ZNF407: variants seen among roughly 807,000 people sequenced by gnomAD.
ZNF407 encodes zinc finger protein 407.
Under a neutral mutation model 131.2 loss-of-function variants are expected in ZNF407, and 17 were observed. That is an observed-to-expected ratio of 0.13 (90% CI 0.09 to 0.19). The LOEUF is 0.19. Among genes scored for constraint, ZNF407 ranks in the 10% least tolerant of loss-of-function variants. ZNF407 has a pLI of 1.00. For synonymous variants in ZNF407, 1,156 were observed against 1,062.0 expected, an observed-to-expected ratio of 1.09 and a Z score of -1.72; for missense variants, 2,681 against 2,830.6, an observed-to-expected ratio of 0.95 and a Z score of 1.20.
chr18:74,869,038 G>A (rs1971051655), intron 4 of ZNF407, among the ~76,000 whole-genome samples: 1 of 152,178 alleles, frequency 6.6e-6, no homozygotes, highest in Non-Finnish European at 1.5e-5. Flanking sequence ...TTTGAAGATG[G>A]TTAGGATTGT....
At chr18:74,927,427 T>G (rs1971928563) in intron 8 of ZNF407, among the ~76,000 whole-genome samples, 2 of 152,228 alleles carry the variant, frequency 1.3e-5, no homozygotes, top group South Asian at 4.1e-4. Context: ...TATAGTATAA[T>G]AATGTAAAAA....
chr18:74,778,179 C>G (rs989835478), intron 3 of ZNF407, among the ~76,000 whole-genome samples: 9 of 152,158 alleles, frequency 5.9e-5, no homozygotes, highest in African/African-American at 1.9e-4. Flanking sequence ...CCTCTTTTTT[C>G]TATCCTCCCT....
At chr18:74,602,696 T>A (rs1307398042) in intron 1 of ZNF407, among the ~76,000 whole-genome samples, 2 of 152,334 alleles carry the variant, frequency 1.3e-5, no homozygotes, top group Admixed American at 6.5e-5. Flanking sequence ...GAGCCAGGAT[T>A]TGAACCAAGA....
chr18:74,640,569 A>G (rs1984667611), intron 2 of ZNF407, among the ~76,000 whole-genome samples: 1 of 152,204 alleles, frequency 6.6e-6, no homozygotes, highest in African/African-American at 2.4e-5. Context: ...TGAGGAAACA[A>G]GGAGGTGGCC....
At chr18:74,725,445 C>T (rs916240548) in intron 3 of ZNF407, among the ~76,000 whole-genome samples, 34 of 152,146 alleles carry the variant, frequency 2.2e-4, no homozygotes, top group Admixed American at 1.1e-3. Flanking sequence ...TTATGGGAGA[C>T]GAGACAGAAT....
At position 74,634,794 on chromosome 18, in the gene ZNF407, T is replaced by A; in HGVS notation, c.3775T>A (p.Ser1259Thr). Residue 1259 changes from serine (S) to threonine (T), a missense_variant, in exon 2 of 9, where the codon TCG (serine) becomes ACG (threonine). Physicochemically the swap from Ser to Thr is moderately conservative, Grantham distance 58. This residue lies in a region of ZNF407 where 1,789 missense variants were observed against 1,748.7 expected (regional missense o/e 1.02). Coordinates refer to ENST00000299687, the MANE Select transcript of ZNF407 (RefSeq NM_017757.3). ...LCPVTLDGERSAESPVLVVTR... is the reference protein window; with the variant it reads ...LCPVTLDGERTAESPVLVVTR... ...CCCTGTGACGCTCGATGGGGAGCGCTCGGCTGAAAGCCCTGTGCTCGTTGT... is the reference window on the plus strand; with the variant it reads ...CCCTGTGACGCTCGATGGGGAGCGCACGGCTGAAAGCCCTGTGCTCGTTGT... The A allele has an allele frequency of 6.2e-7, 1 of 1,613,990 alleles. No homozygotes were observed. Among genetic ancestry groups the A allele is most frequent in the Non-Finnish European group, 8.5e-7 (1 of 1,179,894 alleles).
At chr18:74,969,524 C>T (rs957899855) in intron 8 of ZNF407, among the ~76,000 whole-genome samples, 6 of 152,192 alleles carry the variant, frequency 3.9e-5, no homozygotes, top group African/African-American at 1.4e-4. Context: ...TGATCTGAGG[C>T]TGCTGGAGCT....
At chr18:74,952,446 G>A (rs58617999) in intron 8 of ZNF407, among the ~76,000 whole-genome samples, 1,662 of 152,296 alleles carry the variant, frequency 0.011, 33 homozygotes, top group African/African-American at 0.037. Flanking sequence ...CTTGTCGAGC[G>A]CTTTCTGGGT....
In ZNF407 at chr18:74,835,243, T is replaced by C. The variant is rs534793602; in HGVS notation, c.4878-41954T>C. On this transcript the variant is annotated intron_variant, in intron 4 of 8. Transcript: ENST00000299687. ...GACATCTGACCACACCATCGGAGTG[T>C]GGGAGACTCACATACCAGGTCCAAT... is the stretch of plus-strand genomic sequence containing the variant. Among the ~76,000 whole-genome samples, 9 of 152,286 alleles carry C rather than the reference T, an allele frequency of 5.9e-5. No individual in the cohort carries two copies. In the South Asian group the frequency reaches 1.9e-3, roughly 32 times the overall value.
intron 4 of ZNF407, among the ~76,000 whole-genome samples, chr18:74,838,357 A>G (rs1224096085): frequency 5.3e-5 from 8 of 152,198 alleles, no homozygotes; most frequent in Non-Finnish European, 8.8e-5. Flanking sequence ...CAAGTTCAGT[A>G]TACAATTAGA....
At chr18:74,714,373 C>CA (rs1287236550) in intron 3 of ZNF407, among the ~76,000 whole-genome samples, 1 of 152,122 alleles carries the variant, frequency 6.6e-6, no homozygotes, top group Non-Finnish European at 1.5e-5. Flanking sequence ...CAATTAAATG[C>CA]AAAATGACAG....
intron 8 of ZNF407, among the ~76,000 whole-genome samples, chr18:74,998,314 T>G (rs1338991265): frequency 6.6e-6 from 1 of 152,180 alleles, no homozygotes; most frequent in African/African-American, 2.4e-5. Flanking sequence ...TAAATGAATG[T>G]CTTCTTTGCC....
chr18:74,638,270 C>G (rs889918548), intron 2 of ZNF407, among the ~76,000 whole-genome samples: 4 of 152,204 alleles, frequency 2.6e-5, no homozygotes. Context: ...ACTTTAAGCA[C>G]AGTGACCACA....
At chr18:75,044,328 C>T (rs1379647869) in intron 8 of ZNF407, among the ~76,000 whole-genome samples, 1 of 147,102 alleles carries the variant, frequency 6.8e-6, no homozygotes, top group Non-Finnish European at 1.5e-5. Context: ...GGTTTTTTTT[C>T]TTTCTTTTTT....
chr18:74,883,930 C>T (rs751801207), intron 6 of ZNF407, among the ~76,000 whole-genome samples: 9 of 152,152 alleles, frequency 5.9e-5, no homozygotes, highest in Non-Finnish European at 1.2e-4. Flanking sequence ...AAATTTCATC[C>T]TTGTTCTGCT....
At chr18:74,811,742 G>C (rs1225376278) in intron 4 of ZNF407, among the ~76,000 whole-genome samples, 1 of 152,050 alleles carries the variant, frequency 6.6e-6, no homozygotes, top group Non-Finnish European at 1.5e-5. Context: ...GATGAAATTG[G>C]AAATCATCAT....
Position 75,064,149 on chromosome 18 carries a change from C to A in ZNF407, c.6428C>A (p.Ser2143Ter). ...MDLVESDGEI[S>*]QIIVTEELVQ... ...CTGGTGGAGTCCGACGGGGAGATCTCGCAGATCATCGTGACGGAGGAGCTG... is the reference window on the plus strand; with the variant it reads ...CTGGTGGAGTCCGACGGGGAGATCTAGCAGATCATCGTGACGGAGGAGCTG... The change falls in exon 9 of 9, where the codon TCG becomes TAG. Residue 2143 changes from serine (S) to a stop codon, truncating the protein, a stop_gained. Transcript: ENST00000299687. LOFTEE classifies it low-confidence loss of function (END_TRUNC). 6.2e-7 allele frequency: 1 copy of A among 1,603,364 alleles called. No individual in the cohort carries two copies. The highest frequency in any genetic ancestry group is 2.3e-5 in the East Asian group (1 of 44,304).
rs553751642 is a variant in ZNF407 at position 74,990,799 on chromosome 18, C to T, written c.5428+70107C>T. On this transcript the variant is annotated intron_variant, in intron 8 of 8. Transcript: ENST00000299687. The stretch of plus-strand genomic sequence containing the variant: ...GGGATTTGTGCACCATACAGCTTTG[C>T]GAAATGTGAAATTGCCCTATGGATG... Among the ~76,000 whole-genome samples, 305 of 152,276 alleles carry T rather than the reference C, an allele frequency of 2.0e-3. 1 individual carries two copies. The highest frequency in any genetic ancestry group is 6.4e-3 in the African/African-American group (268 of 41,552).
intron 8 of ZNF407, among the ~76,000 whole-genome samples, chr18:75,013,516 A>G (rs1973008200): frequency 6.6e-6 from 1 of 152,172 alleles, no homozygotes; most frequent in African/African-American, 2.4e-5. Context: ...CTTGGTTACC[A>G]GAGGAAAGAA....
Sources: gnomAD v4.1 joint callset for allele counts (sites outside exome capture counted in the v4.1 genomes callset) on GRCh38, gnomAD v4.1.1 for gene constraint, gnomAD v4.1.1 regional missense constraint, MANE v1.5 for transcripts, NCBI Gene and HGNC (gene_info 2026-07-23, HGNC 2026-07-21) for gene names.